Variants in COL22A1 observed in about 807,000 individuals in gnomAD.
COL22A1 encodes the protein collagen alpha-1(XXII) chain.
COL22A1 carries 221 observed loss-of-function variants against 248.9 expected under a neutral mutation model. The ratio of observed to expected loss-of-function variants is 0.89; its 90% confidence interval spans 0.80 to 0.99. The LOEUF (loss-of-function observed/expected upper bound fraction) is 0.99. COL22A1 is among the 50% of genes least tolerant of loss of function. COL22A1 has a pLI of 0.00. For synonymous variants in COL22A1, 891 were observed against 793.4 expected (o/e 1.12, Z -2.07); for missense variants, 2,240 against 2,179.0 (o/e 1.03, Z -0.56).
chr8:138,721,125 T>C (rs532710498), intron 26 of COL22A1, among the ~76,000 whole-genome samples: 13 of 152,338 alleles, frequency 8.5e-5, no homozygotes, highest in Non-Finnish European at 1.9e-4. Flanking sequence ...ATCCTTTGTC[T>C]CAAAAGACGG....
At chr8:138,788,281 G>A (rs1207714111) in intron 12 of COL22A1, among the ~76,000 whole-genome samples, 1 of 152,156 alleles carries the variant, frequency 6.6e-6, no homozygotes, top group Non-Finnish European at 1.5e-5. Context: ...ACAATCATTT[G>A]CCAGCATGAC....
intron 36 of COL22A1, 118 bp from the exon 37 acceptor site, chr8:138,689,088 AC>A: frequency 1.4e-6 from 1 of 737,556 alleles, no homozygotes; most frequent in Non-Finnish European, 2.4e-6. Flanking sequence ...TACAGCTCCC[AC>A]CCAATTCCCA....
At chr8:138,818,594 C>A (rs1357455696) in intron 7 of COL22A1, among the ~76,000 whole-genome samples, 6 of 152,126 alleles carry the variant, frequency 3.9e-5, no homozygotes, top group Admixed American at 6.5e-5. Flanking sequence ...GCTCTGTGAT[C>A]TCAGAAGAGT....
chr8:138,657,103 C>G (rs1823335426), intron 44 of COL22A1, among the ~76,000 whole-genome samples: 1 of 152,120 alleles, frequency 6.6e-6, no homozygotes, highest in Non-Finnish European at 1.5e-5. Flanking sequence ...GAAAGAGGGA[C>G]TGAGAGAGAC....
Position 138,679,624 on chromosome 8 carries a change from C to T in COL22A1, c.3065G>A (p.Cys1022Tyr). ...GSENCALGGQ[C>Y]VKGDRGAPGI... ...GCATAGATCTTCACTGACCTTAACA[C>T]ATTGCCCTCCCAGTGCACAGTTTTC... The change falls in exon 40 of 65, where the codon TGT becomes TAT. Residue 1022 changes from cysteine (C) to tyrosine (Y), a missense_variant. Cys to Tyr is a radical substitution (Grantham distance 194, BLOSUM62 -2). Coordinates refer to ENST00000303045, the MANE Select transcript of COL22A1 (RefSeq NM_152888.3). The T allele has an allele frequency of 6.2e-7, 1 of 1,614,028 alleles. No homozygotes were observed. The highest frequency in any genetic ancestry group is 8.5e-7 in the Non-Finnish European group (1 of 1,179,910).
intron 6 of COL22A1, among the ~76,000 whole-genome samples, chr8:138,822,082 T>C (rs1819188717): frequency 1.3e-5 from 2 of 152,252 alleles, no homozygotes; most frequent in Admixed American, 1.3e-4. Flanking sequence ...TCTCACTCTG[T>C]TGCCCAGGCT....
intron 2 of COL22A1, among the ~76,000 whole-genome samples, chr8:138,880,989 T>G (rs1474706640): frequency 6.6e-6 from 1 of 151,658 alleles, no homozygotes; most frequent in Non-Finnish European, 1.5e-5. Context: ...GAGGCTGGAG[T>G]GTGATGTGGA....
At chr8:138,734,084 T>G (rs77203428) in intron 23 of COL22A1, among the ~76,000 whole-genome samples, 2,737 of 152,290 alleles carry the variant, frequency 0.018, 79 homozygotes, top group African/African-American at 0.06. Context: ...TGCCCAAGTT[T>G]GCCTTTCACC....
chr8:138,758,618 T>C (rs1042901715), intron 18 of COL22A1, among the ~76,000 whole-genome samples: 17 of 152,194 alleles, frequency 1.1e-4, no homozygotes, highest in African/African-American at 4.1e-4. Context: ...AATGAAGCAG[T>C]TTAAAAAGAC....
Position 138,778,454 on chromosome 8 carries a change from G to T in COL22A1, c.1705-48C>A, listed in dbSNP as rs1157442569. 3 of 1,517,416 alleles carry T rather than the reference G, an allele frequency of 2.0e-6. No homozygotes were observed. The South Asian group carries it at 3.9e-5, about 20-fold the overall frequency. 94.0% of individuals were successfully genotyped at this position (1,517,416 alleles called of 1,614,324 possible). Reference sequence around the variant, plus strand: ...TAAAGTTTCAGGGATGGAAAAGAAAGGCAAGTGCAGCCGTACAGCTCAGCC... The same window carrying T: ...TAAAGTTTCAGGGATGGAAAAGAAATGCAAGTGCAGCCGTACAGCTCAGCC... On this transcript the variant is annotated intron_variant, in intron 14 of 64. Coordinates refer to ENST00000303045, the MANE Select transcript of COL22A1 (RefSeq NM_152888.3).
At chr8:138,726,504 A>AAAAAAAAAAAAAG (rs1366240390) in intron 23 of COL22A1, among the ~76,000 whole-genome samples, 20 of 143,736 alleles carry the variant, frequency 1.4e-4, no homozygotes, top group African/African-American at 5.8e-4. Context: ...TCTACAAAAA[A>AAAAAAAAAAAAAG]AAAAAAAAAG....
intron 5 of COL22A1, among the ~76,000 whole-genome samples, chr8:138,829,741 T>C (rs866336926): frequency 2.0e-5 from 3 of 152,090 alleles, no homozygotes; most frequent in African/African-American, 7.2e-5. Flanking sequence ...CACCTGGCCA[T>C]TTTCTCCTTA....
intron 5 of COL22A1, among the ~76,000 whole-genome samples, chr8:138,829,210 A>C (rs1819830313): frequency 6.6e-6 from 1 of 152,160 alleles, no homozygotes; most frequent in Non-Finnish European, 1.5e-5. Flanking sequence ...ACATCCAGGT[A>C]GTAGGAACAG....
chr8:138,871,047 G>C (rs1394413941), intron 3 of COL22A1, among the ~76,000 whole-genome samples: 1 of 152,000 alleles, frequency 6.6e-6, no homozygotes, highest in African/African-American at 2.4e-5. Flanking sequence ...ATGGTCACGA[G>C]GGGTGATGCC....
intron 3 of COL22A1, among the ~76,000 whole-genome samples, chr8:138,867,159 C>CAA (rs1165555874): frequency 3.3e-5 from 5 of 152,174 alleles, no homozygotes; most frequent in Non-Finnish European, 7.3e-5. Flanking sequence ...ATCGACAATA[C>CAA]GTTAACAAGT....
intron 42 of COL22A1, among the ~76,000 whole-genome samples, chr8:138,663,436 C>A (rs890787849): frequency 1.3e-5 from 2 of 152,184 alleles, no homozygotes; most frequent in Admixed American, 6.5e-5. Context: ...CCATGGCCAC[C>A]CTTCTGTGTT....
intron 23 of COL22A1, among the ~76,000 whole-genome samples, chr8:138,726,544 A>G (rs1830332038): frequency 6.6e-6 from 1 of 151,302 alleles, no homozygotes; most frequent in Non-Finnish European, 1.5e-5. Flanking sequence ...GCCCAACTAA[A>G]CCTATGAGCA....
chr8:138,823,423 T>A (rs1240473744), intron 6 of COL22A1, among the ~76,000 whole-genome samples: 1 of 152,140 alleles, frequency 6.6e-6, no homozygotes, highest in African/African-American at 2.4e-5. Context: ...TTGGCTTTTT[T>A]CTTTTTTCTT....
At chr8:138,848,800 G>C (rs1351215539) in intron 3 of COL22A1, among the ~76,000 whole-genome samples, 1 of 152,156 alleles carries the variant, frequency 6.6e-6, no homozygotes, top group Middle Eastern at 3.2e-3. Flanking sequence ...CTCTGTATTT[G>C]AATAAATGCC....
Sources: allele counts gnomAD v4.1 joint callset (sites outside exome capture counted in the v4.1 genomes callset), GRCh38; gene constraint gnomAD v4.1.1; transcripts MANE v1.5; gene names NCBI Gene and HGNC (gene_info 2026-07-23, HGNC 2026-07-21).